FASN: variants seen among roughly 807,000 people sequenced by gnomAD.
FASN encodes the protein fatty acid synthase.
Under a neutral mutation model 250.0 loss-of-function variants are expected in FASN, and 50 were observed. That is an observed-to-expected ratio of 0.20 (90% CI 0.16 to 0.25). The LOEUF is 0.25. Ranked by LOEUF, FASN falls within the 10% of genes least tolerant of loss-of-function variation. The probability of loss-of-function intolerance (pLI) is 1.00; values close to 1 mark genes in which losing one functional copy is unlikely to be tolerated. For synonymous variants in FASN, 1,909 were observed against 1,584.0 expected (o/e 1.21, Z -4.87); for missense variants, 3,031 against 3,498.5 (o/e 0.87, Z 3.37).
In FASN at chr17:82,078,777, AGG is replaced by A; in HGVS notation, c.*364_*365del. The A allele has an allele frequency of 2.8e-6, 1 of 354,188 alleles. No homozygotes were observed. The highest frequency in any genetic ancestry group is 5.4e-6 in the Non-Finnish European group (1 of 184,224). The allele number at this position is 354,188 out of a possible 1,614,324, so 21.9% of individuals were successfully genotyped here. On this transcript the variant is annotated 3_prime_UTR_variant, in exon 43 of 43. Transcript: ENST00000306749. The surrounding 1 kb of genome is among the most constrained non-coding windows in gnomAD (Gnocchi z 5.4). ...CACACGCTGCCTGAGGAGTCTTGGCAGGGTGGACAGGCCTGGGGGTCTCTACC... is the reference window on the plus strand; with the variant it reads ...CACACGCTGCCTGAGGAGTCTTGGCAGTGGACAGGCCTGGGGGTCTCTACC...
chr17:82,085,687 G>T lies in FASN; in HGVS notation c.3917C>A (p.Ala1306Asp). Residue 1306 changes from alanine (A) to aspartate (D), a missense_variant, in exon 23 of 43, where the codon GCC becomes GAC. Transcript: ENST00000306749. ...QWDPADPAPS[A>D]LGSADLLVCN... The stretch of plus-strand genomic sequence containing the variant: ...CACCAGGAGGTCGGCGCTGCCCAGG[G>T]CGCTGGGGGCAGGGTCTGCGGGATC... 6.4e-7 allele frequency: 1 copy of T among 1,572,616 alleles called. No homozygotes were observed. Among genetic ancestry groups the T allele is most frequent in the Non-Finnish European group, 8.6e-7 (1 of 1,159,912 alleles).
In FASN at chr17:82,092,997, C is replaced by T; in HGVS notation, c.678G>A (p.Glu226=). 1.2e-6 allele frequency: 2 copies of T among 1,612,248 alleles called. No homozygotes were observed. Among genetic ancestry groups the T allele is most frequent in the Non-Finnish European group, 1.7e-6 (2 of 1,179,854 alleles). ...DTAGNGYCRS[E]GVVAVLLTKK... is the part of the protein sequence containing the mutation. ...TGGTCAGCAGGACGGCCACCACACC[C>T]TCCGAGCGGCAGTACCCATTCCCTG... The change falls in exon 6 of 43, where the codon GAG becomes GAA. Residue 226 remains glutamate, a synonymous_variant. Coordinates refer to ENST00000306749, the MANE Select transcript of FASN (RefSeq NM_004104.5).
In FASN at chr17:82,088,566, C is replaced by T. The variant is rs754305614; in HGVS notation, c.2421-4G>A. ...GGCATTGGGGTTGGCGTCGATGCTACGGAGAAGGGAGGCATGGGTAGCACA... is the reference window on the plus strand; with the variant it reads ...GGCATTGGGGTTGGCGTCGATGCTATGGAGAAGGGAGGCATGGGTAGCACA... On this transcript the variant is annotated splice_polypyrimidine_tract_variant and splice_region_variant and intron_variant, in intron 15 of 42. Coordinates refer to ENST00000306749, the MANE Select transcript of FASN (RefSeq NM_004104.5). 35 of 1,603,782 alleles carry T rather than the reference C, an allele frequency of 2.2e-5. No homozygotes were observed. The highest frequency in any genetic ancestry group is 2.1e-4 in the South Asian group (19 of 90,220).
chr17:82,084,986 A>G (rs1043795005), intron 25 of FASN, 33 bp from the exon 26 acceptor site: 8 of 1,488,334 alleles, frequency 5.4e-6, no homozygotes, highest in Admixed American at 1.9e-5. Context: ...CAGGCTGGGG[A>G]TGGGGAGGCT....
chr17:82,095,693 G>GCCCCAC (rs2034291641), intron 2 of FASN, among the ~76,000 whole-genome samples: 1 of 152,228 alleles, frequency 6.6e-6, no homozygotes, highest in Non-Finnish European at 1.5e-5. Context: ...CAAGCCCCAA[G>GCCCCAC]CCCCAATCCT....
At position 82,082,647 on chromosome 17, in the gene FASN, C is replaced by G; in HGVS notation, c.5799G>C (p.Arg1933Ser). 1 of 1,610,394 alleles carries G rather than the reference C, an allele frequency of 6.2e-7. No homozygotes were observed. The highest frequency in any genetic ancestry group is 8.5e-7 in the Non-Finnish European group (1 of 1,179,884). The part of the protein sequence containing the change: ...GYQAKQVRRW[R>S]RQGVQVQVST... ...ACACCTGCACCTGTACGCCCTGGCG[C>G]CTCCACCGGCGGACCTGCTTGGCCT... Residue 1933 changes from arginine (R) to serine (S), a missense_variant, in exon 34 of 43, where the codon AGG becomes AGC. Transcript: ENST00000306749.
intron 30 of FASN, 57 bp from the exon 31 acceptor site, chr17:82,083,696 C>G: frequency 6.2e-7 from 1 of 1,605,032 alleles, no homozygotes; most frequent in Non-Finnish European, 8.5e-7. Context: ...CCACCACAGT[C>G]CAGAGGGCCA....
intron 4 of FASN, 74 bp from the exon 5 acceptor site, chr17:82,093,493 G>A: frequency 6.3e-7 from 1 of 1,587,550 alleles, no homozygotes; most frequent in Non-Finnish European, 8.6e-7. Flanking sequence ...CCTGCCACCA[G>A]GCTGGACACA....
In FASN at chr17:82,086,568, G is replaced by A. The variant is rs1259209935; in HGVS notation, c.3428-10C>T. 6.2e-7 allele frequency: 1 copy of A among 1,601,598 alleles called. No homozygotes were observed. ...AGTGCCTGCACCAGCCCTGGGGAGG[G>A]AGGGAGGCAGGCCTGGTGTTCCCAA... On this transcript the variant is annotated splice_polypyrimidine_tract_variant and intron_variant, in intron 21 of 42. Transcript: ENST00000306749.
chr17:82,090,280 C>T (rs2034178898), intron 11 of FASN, 95 bp downstream of exon 11: 2 of 1,302,588 alleles, frequency 1.5e-6, no homozygotes, highest in South Asian at 1.3e-5. Flanking sequence ...CCACTCTATC[C>T]TACGGGGGCC....
chr17:82,096,240 C>T, intron 2 of FASN, 79 bp downstream of exon 2: 3 of 1,597,538 alleles, frequency 1.9e-6, no homozygotes, highest in Non-Finnish European at 2.6e-6. Flanking sequence ...GGACACAGCA[C>T]AGCAGGGAGG....
rs751345118 is a variant in FASN, at chr17:82,092,683, G to A, written c.894+14C>T. ...TCATGGGGTGGTGAGTGGGGCGGGG[G>A]GGGGGGGCATCACCTTGGTGCCTGT... On this transcript the variant is annotated intron_variant, in intron 7 of 42. Coordinates refer to ENST00000306749, the MANE Select transcript of FASN (RefSeq NM_004104.5). 14 of 1,408,778 alleles carry A rather than the reference G, an allele frequency of 9.9e-6. No individual in the cohort carries two copies. Among genetic ancestry groups the A allele is most frequent in the East Asian group, 7.1e-5 (3 of 42,320 alleles). 87.3% of individuals were successfully genotyped at this position (1,408,778 alleles called of 1,614,324 possible). A position where few individuals can be genotyped will look rare whatever the true frequency, so the allele number is the denominator to read the frequency against.
intron 12 of FASN, 104 bp downstream of exon 12, chr17:82,089,528 C>G: frequency 1.9e-6 from 3 of 1,546,314 alleles, no homozygotes; most frequent in South Asian, 2.3e-5. Flanking sequence ...ATGCCCCAGG[C>G]CCGTCAGAGC....
intron 5 of FASN, 95 bp downstream of exon 5, chr17:82,093,124 C>T (rs1430096876): frequency 2.4e-5 from 37 of 1,553,126 alleles, no homozygotes; most frequent in South Asian, 1.2e-4. Flanking sequence ...GGGGGATCCC[C>T]GGAGCTGGCA....
In FASN at chr17:82,094,674, GGCCACTCAGGAGACTGA is replaced by G. The variant is rs1325846529; in HGVS notation, c.280+629_280+645del. Among the ~76,000 whole-genome samples, 10 of 151,436 alleles carry G rather than the reference GGCCACTCAGGAGACTGA, an allele frequency of 6.6e-5. No homozygotes were observed. The East Asian group carries it at 1.6e-3, about 24-fold the overall frequency. Reference sequence around the variant, plus strand: ...CGTGGTGGTGGGCGCCTGTAGTCCCGGCCACTCAGGAGACTGAGGCAGGAGAATGGTGTGAACCCAGG... The same window carrying G: ...CGTGGTGGTGGGCGCCTGTAGTCCCGGGCAGGAGAATGGTGTGAACCCAGG... On this transcript the variant is annotated intron_variant, in intron 3 of 42. Transcript: ENST00000306749.
chr17:82,090,992 CG>C lies in FASN; in HGVS notation c.1569del (p.Asp524MetfsTer4). 6.2e-7 allele frequency: 1 copy of C among 1,612,896 alleles called. No individual in the cohort carries two copies. The highest frequency in any genetic ancestry group is 8.5e-7 in the Non-Finnish European group (1 of 1,179,994). ...LDRFRDSILR[S>X]DEAVKPFGLK... ...AGGCCGAATGGCTTCACAGCCTCAT[CG>C]GAGCGTAGGATGGAATCTCGGAAGC... On this transcript the variant is annotated frameshift_variant, in exon 10 of 43. Transcript: ENST00000306749. LOFTEE classifies it high-confidence loss of function.
chr17:82,082,357 T>C lies in FASN; in HGVS notation c.5977A>G (p.Lys1993Glu). Residue 1993 changes from lysine to glutamate, a missense_variant, in exon 35 of 43, where the codon AAG (lysine) becomes GAG (glutamate). Transcript: ENST00000306749. ...QTPEFFQDVC[K>E]PKYSGTLNLD... ...TTCAGGGTGCCGCTGTACTTGGGCT[T>C]GCAGACGTCCTGGAAGAACTCTGGG... The C allele has an allele frequency of 6.2e-7, 1 of 1,612,918 alleles. No individual in the cohort carries two copies. Among genetic ancestry groups the C allele is most frequent in the Non-Finnish European group, 8.5e-7 (1 of 1,180,000 alleles).
chr17:82,085,217 G>A, intron 24 of FASN, 21 bp downstream of exon 24: 1 of 1,612,274 alleles, frequency 6.2e-7, no homozygotes. Flanking sequence ...GGTGGGGCCT[G>A]GAGGTGGGGC....
At chr17:82,096,290 C>T (rs2034301217) in intron 2 of FASN, 29 bp downstream of exon 2, 2 of 1,610,142 alleles carry the variant, frequency 1.2e-6, no homozygotes, top group Non-Finnish European at 8.5e-7. Flanking sequence ...CTTCACACCC[C>T]AGGCACGGGG....
Sources: allele counts gnomAD v4.1 joint callset (sites outside exome capture counted in the v4.1 genomes callset), GRCh38; gene constraint gnomAD v4.1.1; non-coding constraint Gnocchi (gnomAD v3.1); transcripts MANE v1.5; gene names NCBI Gene and HGNC (gene_info 2026-07-23, HGNC 2026-07-21).